DAGLB: variants seen among roughly 807,000 people sequenced by gnomAD.
DAGLB encodes the protein diacylglycerol lipase-beta.
A neutral mutation model predicts 72.1 loss-of-function variants in DAGLB; 66 were observed. That is an observed-to-expected ratio of 0.92 (90% CI 0.75 to 1.12). The LOEUF is 1.12. Among genes scored for constraint, DAGLB ranks in the 50% most tolerant of loss-of-function variants. The probability of loss-of-function intolerance (pLI) is 0.00; values close to 1 mark genes in which losing one functional copy is unlikely to be tolerated. For missense variants in DAGLB, 1,065 were observed against 884.9 expected, an observed-to-expected ratio of 1.20 and a Z score of -2.58; for synonymous variants, 414 against 359.5, an observed-to-expected ratio of 1.15 and a Z score of -1.71.
At chr7:6,431,123 TA>T (rs1784475685) in intron 5 of DAGLB, among the ~76,000 whole-genome samples, 2 of 151,340 alleles carry the variant, frequency 1.3e-5, no homozygotes, top group Admixed American at 1.3e-4. Flanking sequence ...AAGTTAACAG[TA>T]AAAAACACTC....
intron 2 of DAGLB, among the ~76,000 whole-genome samples, chr7:6,443,392 T>G (rs1316256315): frequency 6.6e-6 from 1 of 151,922 alleles, no homozygotes; most frequent in Non-Finnish European, 1.5e-5. Flanking sequence ...AGAGGTTGGT[T>G]GCAGTGAGCT....
chr7:6,438,397 CACTA>C (rs1361139202), intron 2 of DAGLB, among the ~76,000 whole-genome samples: 1 of 151,654 alleles, frequency 6.6e-6, no homozygotes. Context: ...AAATATTAGG[CACTA>C]ACAGCCTCAT....
At chr7:6,411,661 A>C (rs1783732744) in intron 13 of DAGLB, among the ~76,000 whole-genome samples, 3 of 152,102 alleles carry the variant, frequency 2.0e-5, no homozygotes, top group Non-Finnish European at 4.4e-5. Context: ...TAAGGAGAAA[A>C]ATTTAAATTG....
chr7:6,436,388 G>T lies in DAGLB; in HGVS notation c.393C>A (p.Asn131Lys). 2 of 1,612,442 alleles carry T rather than the reference G, an allele frequency of 1.2e-6. No homozygotes were observed. Among genetic ancestry groups the T allele is most frequent in the South Asian group, 2.2e-5 (2 of 90,816 alleles). ...TGACCACGACGGTTGCGATGATGCC[G>T]TTTACAACTGTCCTGTCGCACTGAA... Reference protein sequence around the residue: ...DGVQCDRTVVNGIIATVVVSW... With the variant: ...DGVQCDRTVVKGIIATVVVSW... Residue 131 changes from asparagine to lysine, a missense_variant, in exon 3 of 15, where the codon AAC (asparagine) becomes AAA (lysine). By Grantham distance (94) the Asn-to-Lys change is moderately conservative. Coordinates refer to ENST00000297056, the MANE Select transcript of DAGLB (RefSeq NM_139179.4).
chr7:6,421,828 C>T (rs1271592836), intron 8 of DAGLB, 24 bp from the exon 9 acceptor site: 23 of 1,609,900 alleles, frequency 1.4e-5, no homozygotes, highest in Admixed American at 1.3e-4. Context: ...GTTGCAGAAG[C>T]GGCCGTCAGC....
intron 8 of DAGLB, among the ~76,000 whole-genome samples, chr7:6,423,590 A>G (rs1784204903): frequency 6.9e-6 from 1 of 143,978 alleles, no homozygotes; most frequent in African/African-American, 2.6e-5. Flanking sequence ...TGCCCGGCTA[A>G]TTTTTTTTTT....
At chr7:6,437,388 T>C (rs1226922287) in intron 2 of DAGLB, among the ~76,000 whole-genome samples, 1 of 152,106 alleles carries the variant, frequency 6.6e-6, no homozygotes. Context: ...AGTCATTATC[T>C]CATTTTACGT....
At chr7:6,421,269 A>C (rs1472131817) in intron 9 of DAGLB, among the ~76,000 whole-genome samples, 1 of 151,900 alleles carries the variant, frequency 6.6e-6, no homozygotes, top group Non-Finnish European at 1.5e-5. Context: ...CTCTTAGAAC[A>C]AACGAAATCC....
At chr7:6,412,510 G>A (rs1783762552) in intron 13 of DAGLB, 2 of 389,044 alleles carry the variant, frequency 5.1e-6, no homozygotes, top group Admixed American at 7.4e-5. Context: ...GTGTTGCCCA[G>A]GTTGGCCTCA....
chr7:6,419,724 A>C (rs1034912717), intron 9 of DAGLB, among the ~76,000 whole-genome samples: 1 of 152,206 alleles, frequency 6.6e-6, no homozygotes, highest in African/African-American at 2.4e-5. Flanking sequence ...GAGCAGATCC[A>C]CCCAGGCCAA....
At chr7:6,410,449 C>T (rs1783685171) in intron 13 of DAGLB, 69 bp from the exon 14 acceptor site, 4 of 1,528,578 alleles carry the variant, frequency 2.6e-6, no homozygotes, top group Non-Finnish European at 3.5e-6. Context: ...CCCGAAACAC[C>T]AAGGCGGACC....
intron 11 of DAGLB, among the ~76,000 whole-genome samples, chr7:6,414,092 C>T (rs1205077336): frequency 6.6e-6 from 1 of 152,152 alleles, no homozygotes; most frequent in Admixed American, 6.5e-5. Flanking sequence ...CTCACTGCAA[C>T]CTCCATCTCC....
At chr7:6,444,339 C>T (rs1406243940) in intron 2 of DAGLB, among the ~76,000 whole-genome samples, 1 of 152,166 alleles carries the variant, frequency 6.6e-6, no homozygotes, top group African/African-American at 2.4e-5. Context: ...CGGTGACTCA[C>T]ACTTGTAATC....
intron 6 of DAGLB, among the ~76,000 whole-genome samples, chr7:6,428,102 T>G (rs1374759816): frequency 6.6e-6 from 1 of 151,850 alleles, no homozygotes; most frequent in Admixed American, 6.6e-5. Context: ...ATCCAACCAC[T>G]TTGGGAGGCC....
intron 6 of DAGLB, 148 bp from the exon 7 acceptor site, chr7:6,426,262 A>T: frequency 8.6e-7 from 1 of 1,158,666 alleles, no homozygotes; most frequent in Non-Finnish European, 1.2e-6. Flanking sequence ...GGCTTTTTAA[A>T]ACTTAATTTG....
chr7:6,436,642 C>G lies in DAGLB; in HGVS notation c.248-109G>C, dbSNP rs114155696. ...GAGCATACATTTGTACTGTGCACAC[C>G]CGCCTCCTGACTTTTTCTACTTATA... On this transcript the variant is annotated intron_variant, in intron 2 of 14. Coordinates refer to ENST00000297056, the MANE Select transcript of DAGLB (RefSeq NM_139179.4). 1.4e-3 allele frequency: 1,935 copies of G among 1,365,398 alleles called. 20 individuals are homozygous for G. The African/African-American group carries it at 0.026, about 18-fold the overall frequency. 84.6% of individuals were successfully genotyped at this position (1,365,398 alleles called of 1,614,324 possible).
chr7:6,434,796 G>T lies in DAGLB; in HGVS notation c.644C>A (p.Ser215Ter). The change falls in exon 4 of 15, where the codon TCG becomes TAG. Residue 215 changes from serine to a stop codon, truncating the protein, a stop_gained. Coordinates refer to ENST00000297056, the MANE Select transcript of DAGLB (RefSeq NM_139179.4). LOFTEE classifies it high-confidence loss of function. ...GGTTGAGAAAAGCTCTGCCGTACTC[G>T]AAAAAGCAACCCGAGTATGGTCGTC... ...GKDDHTRVAF[S>*]STAELFSTYF... 5.6e-6 allele frequency: 9 copies of T among 1,614,164 alleles called. No homozygotes were observed. The highest frequency in any genetic ancestry group is 7.6e-6 in the Non-Finnish European group (9 of 1,180,046).
intron 9 of DAGLB, 110 bp from the exon 10 acceptor site, chr7:6,417,031 T>C: frequency 7.9e-7 from 1 of 1,272,174 alleles, no homozygotes; most frequent in South Asian, 1.3e-5. Context: ...TCTCCTGGGA[T>C]CTGAGACTGC....
Position 6,436,353 on chromosome 7 carries a change from A to C in DAGLB, c.419+9T>G. On this transcript the variant is annotated intron_variant, in intron 3 of 14. Coordinates refer to ENST00000297056, the MANE Select transcript of DAGLB (RefSeq NM_139179.4). ...CACTGAAACTCAAAGAGAAGAAGGG[A>C]GATGTCACCTGACCACGACGGTTGC... The C allele has an allele frequency of 6.3e-7, 1 of 1,598,000 alleles. No homozygotes were observed. The highest frequency in any genetic ancestry group is 8.5e-7 in the Non-Finnish European group (1 of 1,173,976).
Sources: allele counts gnomAD v4.1 joint callset (sites outside exome capture counted in the v4.1 genomes callset), GRCh38; gene constraint gnomAD v4.1.1; transcripts MANE v1.5; gene names NCBI Gene and HGNC (gene_info 2026-07-23, HGNC 2026-07-21).